ANKRD42: variants seen among roughly 807,000 people sequenced by gnomAD.
ANKRD42 encodes ankyrin repeat domain-containing protein 42.
Under a neutral mutation model 51.5 loss-of-function variants are expected in ANKRD42, and 43 were observed. The ratio of observed to expected loss-of-function variants is 0.83; its 90% CI spans 0.65 to 1.08. The LOEUF (loss-of-function observed/expected upper bound fraction) is 1.08, where lower values mean the gene tolerates loss of function less well. ANKRD42 is among the 50% of genes least tolerant of loss of function. The pLI is 0.00. For missense variants in ANKRD42, 608 were observed against 629.3 expected (o/e 0.97, Z 0.36); for synonymous variants, 203 against 213.0 (o/e 0.95, Z 0.41).
Position 83,240,908 on chromosome 11 carries a change from G to A in ANKRD42, c.1169G>A (p.Ser390Asn), listed in dbSNP as rs1297933278. The A allele has an allele frequency of 3.7e-6, 6 of 1,613,768 alleles. No individual in the cohort carries two copies. In the African/African-American group the frequency reaches 8.0e-5, roughly 22 times the overall value. ...GATGCCAAGGATGATTTATGTCTGAGTGACTTGGATAAAACAGATGCCAGA... is the reference window on the plus strand; with the variant it reads ...GATGCCAAGGATGATTTATGTCTGAATGACTTGGATAAAACAGATGCCAGA... ...STDAKDDLCL[S>N]DLDKTDARMR... Residue 390 changes from serine (S) to asparagine (N), a missense_variant, in exon 9 of 11, where the codon AGT becomes AAT. Ser to Asn is a conservative substitution (Grantham distance 46). Coordinates refer to ENST00000533342, the MANE Select transcript of ANKRD42 (RefSeq NM_001300975.2).
intron 3 of ANKRD42, among the ~76,000 whole-genome samples, chr11:83,207,566 C>T (rs1317471621): frequency 6.6e-6 from 1 of 152,168 alleles, no homozygotes; most frequent in Non-Finnish European, 1.5e-5. Flanking sequence ...ATTATAGAGG[C>T]AGGCAATATG....
At chr11:83,227,926 T>G in intron 7 of ANKRD42, 54 bp downstream of exon 7, 2 of 1,529,402 alleles carry the variant, frequency 1.3e-6, no homozygotes, top group East Asian at 4.6e-5. Context: ...GAGTTATTCA[T>G]CTTTTAAAGT....
chr11:83,201,463 G>A (rs983254574), intron 2 of ANKRD42, among the ~76,000 whole-genome samples: 30 of 152,290 alleles, frequency 2.0e-4, no homozygotes, highest in Admixed American at 1.2e-3. Context: ...ACATACATGT[G>A]CATGTCTTTA....
rs1394802731 is a variant in ANKRD42, at chr11:83,198,545, T to A, written c.125T>A (p.Leu42His). The part of the protein sequence containing the change: ...DAVRAGDVKQ[L>H]SEIVVRGASI... ...GTACGAGCTGGAGATGTAAAGCAGC[T>A]TTCAGAAATAGTGGTACGTGGAGCC... is the stretch of plus-strand genomic sequence containing the variant. The change falls in exon 2 of 11, where the codon CTT becomes CAT. Residue 42 changes from leucine (L) to histidine (H), a missense_variant. Leu to His is a moderately conservative substitution (Grantham distance 99). Coordinates refer to ENST00000533342, the MANE Select transcript of ANKRD42 (RefSeq NM_001300975.2). 1 of 1,614,012 alleles carries A rather than the reference T, an allele frequency of 6.2e-7. No individual in the cohort carries two copies.
chr11:83,245,942 C>T (rs767878020), intron 10 of ANKRD42, among the ~76,000 whole-genome samples: 2 of 152,220 alleles, frequency 1.3e-5, no homozygotes, highest in Non-Finnish European at 2.9e-5. Flanking sequence ...TGAACATTTT[C>T]ATCAGGCTAC....
chr11:83,252,715 C>G (rs1863696168), downstream of ANKRD42, among the ~76,000 whole-genome samples: 1 of 152,062 alleles, frequency 6.6e-6, no homozygotes, highest in Non-Finnish European at 1.5e-5. Flanking sequence ...ATCTCTTTAT[C>G]TCAGTCATGG....
chr11:83,261,902 G>A (rs1332464124), downstream of ANKRD42: 5 of 1,595,228 alleles, frequency 3.1e-6, no homozygotes, highest in Non-Finnish European at 4.3e-6. Context: ...AGCAGGATGA[G>A]CATTAATACT....
chr11:83,231,233 CTT>C (rs1317035035), intron 7 of ANKRD42, among the ~76,000 whole-genome samples: 1 of 152,114 alleles, frequency 6.6e-6, no homozygotes, highest in Non-Finnish European at 1.5e-5. Flanking sequence ...TATTGCCTGT[CTT>C]TTGGATGTAA....
chr11:83,237,598 T>G (rs1863261296), intron 8 of ANKRD42, among the ~76,000 whole-genome samples: 1 of 152,228 alleles, frequency 6.6e-6, no homozygotes, highest in Non-Finnish European at 1.5e-5. Flanking sequence ...AACTTTTGTT[T>G]GTGAGCTCAT....
In ANKRD42 at chr11:83,193,808, G is replaced by A. The variant is rs1329526241; in HGVS notation, c.-863G>A. On this transcript the variant is annotated 5_prime_UTR_variant, in exon 1 of 11. Transcript: ENST00000533342. Reference sequence around the variant, plus strand: ...TCCGAGAAAGTACCAGCGGAAGGCGGCCGCCGCTACGGCGATTCGCAGGGA... The same window carrying A: ...TCCGAGAAAGTACCAGCGGAAGGCGACCGCCGCTACGGCGATTCGCAGGGA... 4 of 454,708 alleles carry A rather than the reference G, an allele frequency of 8.8e-6. No homozygotes were observed. Among genetic ancestry groups the A allele is most frequent in the South Asian group, 6.2e-5 (4 of 64,460 alleles). The allele number at this position is 454,708 out of a possible 1,614,324, so 28.2% of individuals were successfully genotyped here. A position where few individuals can be genotyped will look rare whatever the true frequency, so the allele number is the denominator to read the frequency against.
chr11:83,194,740 T>C lies in ANKRD42; in HGVS notation c.58+12T>C. 7 of 1,574,268 alleles carry C rather than the reference T, an allele frequency of 4.4e-6. No homozygotes were observed. The highest frequency in any genetic ancestry group is 5.2e-6 in the Non-Finnish European group (6 of 1,161,240). Reference sequence around the variant, plus strand: ...GACTGCAAACCCCTGTGAGTCAGACTGTCATTGGCCTTCATCTCTGTCGTA... The same window carrying C: ...GACTGCAAACCCCTGTGAGTCAGACCGTCATTGGCCTTCATCTCTGTCGTA... On this transcript the variant is annotated intron_variant, in intron 1 of 10. Transcript: ENST00000533342.
chr11:83,247,368 C>G (rs988691932), intron 10 of ANKRD42, among the ~76,000 whole-genome samples: 2 of 152,038 alleles, frequency 1.3e-5, no homozygotes, highest in African/African-American at 4.8e-5. Context: ...CGCGCCTGGC[C>G]TCCCTTTTAT....
intron 2 of ANKRD42, among the ~76,000 whole-genome samples, chr11:83,202,491 A>T: frequency 6.6e-6 from 1 of 152,314 alleles, no homozygotes; most frequent in African/African-American, 2.4e-5. Flanking sequence ...TTGGTTCCAT[A>T]TGAAATTTAA....
chr11:83,240,670 CA>C (rs1480635267), intron 8 of ANKRD42, 88 bp from the exon 9 acceptor site: 1 of 1,430,004 alleles, frequency 7.0e-7, no homozygotes, highest in Admixed American at 2.0e-5. Context: ...GCAGGGTGTA[CA>C]GAGTGTAATC....
intron 5 of ANKRD42, chr11:83,212,863 A>G: frequency 7.0e-7 from 1 of 1,428,812 alleles, no homozygotes; most frequent in Non-Finnish European, 9.2e-7. Context: ...GTATCTGAAA[A>G]TTTATTTTGT....
At chr11:83,224,787 A>T in intron 5 of ANKRD42, 68 bp from the exon 6 acceptor site, 1 of 1,191,632 alleles carries the variant, frequency 8.4e-7, no homozygotes, top group South Asian at 1.9e-5. Context: ...TTGTCTCTAA[A>T]TACATACATA....
At chr11:83,205,672 G>A (rs1862044602) in intron 2 of ANKRD42, among the ~76,000 whole-genome samples, 1 of 152,182 alleles carries the variant, frequency 6.6e-6, no homozygotes, top group Non-Finnish European at 1.5e-5. Context: ...ATCTATGTTT[G>A]AGATTGAAAA....
chr11:83,200,967 C>T (rs930082964), intron 2 of ANKRD42, among the ~76,000 whole-genome samples: 15 of 152,062 alleles, frequency 9.9e-5, no homozygotes, highest in Non-Finnish European at 1.6e-4. Flanking sequence ...AGGCTTTGCA[C>T]ATGCTGTTTC....
chr11:83,204,704 A>T (rs1219095258), intron 2 of ANKRD42, among the ~76,000 whole-genome samples: 2 of 152,194 alleles, frequency 1.3e-5, no homozygotes, highest in African/African-American at 4.8e-5. Context: ...CTCAAAACAG[A>T]TTGTAGATAA....
Sources: allele counts gnomAD v4.1 joint callset (sites outside exome capture counted in the v4.1 genomes callset), GRCh38; gene constraint gnomAD v4.1.1; transcripts MANE v1.5; gene names NCBI Gene and HGNC (gene_info 2026-07-23, HGNC 2026-07-21).